RABGAP1L: variants seen among roughly 807,000 people sequenced by gnomAD.
RABGAP1L encodes rab GTPase-activating protein 1-like.
Under a neutral mutation model 137.7 loss-of-function variants are expected in RABGAP1L, and 63 were observed. The ratio of observed to expected loss-of-function variants is 0.46; its 90% CI spans 0.37 to 0.56. RABGAP1L has a LOEUF of 0.56. RABGAP1L is among the 20% of genes least tolerant of loss of function. The probability of loss-of-function intolerance (pLI) is 0.00; values close to 1 mark genes in which losing one functional copy is unlikely to be tolerated. For missense variants in RABGAP1L, 1,095 were observed against 1,244.0 expected (o/e 0.88, Z 1.80); for synonymous variants, 431 against 433.7 (o/e 0.99, Z 0.08).
intron 1 of RABGAP1L, among the ~76,000 whole-genome samples, chr1:174,198,074 C>CT: frequency 6.6e-6 from 1 of 152,144 alleles, no homozygotes; most frequent in South Asian, 2.1e-4. Flanking sequence ...AACTGGAAAC[C>CT]TTTTTTGAAA....
intron 18 of RABGAP1L, among the ~76,000 whole-genome samples, chr1:174,786,679 A>C (rs1687469180): frequency 6.6e-6 from 1 of 152,330 alleles, no homozygotes. Flanking sequence ...CTGCTTTACT[A>C]TGTGTCAGTA....
chr1:174,488,756 T>C (rs867271345), intron 13 of RABGAP1L, among the ~76,000 whole-genome samples: 2 of 152,132 alleles, frequency 1.3e-5, no homozygotes, highest in Non-Finnish European at 1.5e-5. Flanking sequence ...TCAAATAGTT[T>C]GTCTTTTTTG....
chr1:174,829,977 C>T (rs1326425136), intron 19 of RABGAP1L, among the ~76,000 whole-genome samples: 3 of 148,072 alleles, frequency 2.0e-5, no homozygotes, highest in Non-Finnish European at 3.0e-5. Flanking sequence ...CAATATTTTT[C>T]GTGATTCTGT....
chr1:174,332,372 A>G (rs1322057157), intron 11 of RABGAP1L, among the ~76,000 whole-genome samples: 3 of 147,474 alleles, frequency 2.0e-5, no homozygotes, highest in Non-Finnish European at 4.5e-5. Context: ...AGGCAATTTT[A>G]TCTAAATTTT....
chr1:174,457,026 A>C (rs1327557603), intron 13 of RABGAP1L, among the ~76,000 whole-genome samples: 3 of 152,332 alleles, frequency 2.0e-5, no homozygotes, highest in Non-Finnish European at 2.9e-5. Context: ...AGAGTAACTC[A>C]TTGAATTGTG....
intron 13 of RABGAP1L, among the ~76,000 whole-genome samples, chr1:174,410,382 T>C (rs1571671746): frequency 1.3e-5 from 2 of 152,280 alleles, no homozygotes; most frequent in South Asian, 4.1e-4. Context: ...CTGGAGTTAA[T>C]TTTTGTGTAT....
intron 13 of RABGAP1L, among the ~76,000 whole-genome samples, chr1:174,528,618 C>A (rs1341634074): frequency 6.7e-6 from 1 of 149,574 alleles, no homozygotes; most frequent in African/African-American, 2.5e-5. Context: ...TGCCGAAACA[C>A]TTTTCTCTTT....
At chr1:174,262,813 T>C (rs1673705916) in intron 7 of RABGAP1L, among the ~76,000 whole-genome samples, 1 of 152,264 alleles carries the variant, frequency 6.6e-6, no homozygotes, top group African/African-American at 2.4e-5. Flanking sequence ...TCTGCATTAA[T>C]GGAGCTTTAA....
chr1:174,314,693 T>A (rs1181886116), intron 11 of RABGAP1L, among the ~76,000 whole-genome samples: 1 of 152,152 alleles, frequency 6.6e-6, no homozygotes, highest in East Asian at 1.9e-4. Flanking sequence ...TTGTGTTTCC[T>A]TAATCATTTA....
intron 13 of RABGAP1L, among the ~76,000 whole-genome samples, chr1:174,550,973 T>C (rs189957953): frequency 0.1 from 10,028 of 99,514 alleles, 748 homozygotes; most frequent in East Asian, 0.21. Flanking sequence ...TATATATACA[T>C]GTATATATAC....
chr1:174,961,019 C>A (rs1159692135), intron 20 of RABGAP1L, among the ~76,000 whole-genome samples: 1 of 152,160 alleles, frequency 6.6e-6, no homozygotes, highest in African/African-American at 2.4e-5. Flanking sequence ...GCTTTATAGC[C>A]TTTACTCTTT....
At chr1:174,488,773 TTTA>T (rs1248575710) in intron 13 of RABGAP1L, among the ~76,000 whole-genome samples, 1 of 152,102 alleles carries the variant, frequency 6.6e-6, no homozygotes, top group African/African-American at 2.4e-5. Flanking sequence ...TTTGTCTATT[TTTA>T]TTATTATATT....
At chr1:174,540,814 T>C (rs1278723725) in intron 13 of RABGAP1L, among the ~76,000 whole-genome samples, 3 of 152,240 alleles carry the variant, frequency 2.0e-5, no homozygotes, top group Non-Finnish European at 1.5e-5. Flanking sequence ...AAAGTAGTTT[T>C]TTCCAATTCT....
intron 13 of RABGAP1L, among the ~76,000 whole-genome samples, chr1:174,596,317 G>A (rs1669911359): frequency 6.6e-6 from 1 of 151,800 alleles, no homozygotes; most frequent in Non-Finnish European, 1.5e-5. Context: ...CGTCTTCTGC[G>A]TGGCTCACGC....
intron 7 of RABGAP1L, among the ~76,000 whole-genome samples, chr1:174,263,782 T>C (rs1401174796): frequency 2.0e-5 from 3 of 152,074 alleles, no homozygotes; most frequent in South Asian, 2.1e-4. Context: ...TAGCTTATAA[T>C]TGGCAACACA....
rs909642686 is a variant in RABGAP1L at position 174,926,939 on chromosome 1, G to A, written c.2341-30518G>A. Among the ~76,000 whole-genome samples, 66 of 151,906 alleles carry A rather than the reference G, an allele frequency of 4.3e-4. 1 individual carries two copies. The highest frequency in any genetic ancestry group is 1.5e-3 in the African/African-American group (64 of 41,358). The stretch of plus-strand genomic sequence containing the variant: ...AATACAAAAATTAGCCAGGCGTGGT[G>A]GCACACACCTGTAATTCCAGTTACT... On this transcript the variant is annotated intron_variant, in intron 19 of 25. Coordinates refer to ENST00000681986, the MANE Select transcript of RABGAP1L (RefSeq NM_001366446.1).
intron 17 of RABGAP1L, 46 bp from the exon 18 acceptor site, chr1:174,752,267 T>C: frequency 7.6e-7 from 1 of 1,323,748 alleles, no homozygotes; most frequent in African/African-American, 1.5e-5. Flanking sequence ...AATAAAATAG[T>C]GATACATGTG....
intron 13 of RABGAP1L, among the ~76,000 whole-genome samples, chr1:174,420,274 T>G (rs1285506594): frequency 1.3e-5 from 2 of 151,576 alleles, no homozygotes; most frequent in Admixed American, 1.3e-4. Context: ...AACAGCTCTC[T>G]GGGAAAACCT....
chr1:174,415,420 A>G (rs2149143548), intron 13 of RABGAP1L, among the ~76,000 whole-genome samples: 1 of 150,748 alleles, frequency 6.6e-6, no homozygotes, highest in East Asian at 2.0e-4. Context: ...AATATCATGG[A>G]TATGCATACT....
Sources: gnomAD v4.1 joint callset for allele counts (sites outside exome capture counted in the v4.1 genomes callset) on GRCh38, gnomAD v4.1.1 for gene constraint, MANE v1.5 for transcripts, NCBI Gene and HGNC (gene_info 2026-07-23, HGNC 2026-07-21) for gene names.